GNAS-AS1: variants seen among roughly 807,000 people sequenced by gnomAD.
GNAS-AS1 encodes GNAS antisense RNA 1, also known as GNAS antisense RNA 1 (non-protein coding).
At chr20:58,820,862 T>C (rs1334239390) in intron 4 of GNAS-AS1, among the ~76,000 whole-genome samples, 2 of 152,080 alleles carry the variant, frequency 1.3e-5, no homozygotes, top group African/African-American at 4.8e-5. Flanking sequence ...CCCACCCAGT[T>C]CCTCCCATGA....
exon 3 of GNAS-AS1, chr20:58,842,464 G>C (rs1045571798): frequency 1.5e-5 from 6 of 398,514 alleles, no homozygotes; most frequent in Non-Finnish European, 2.7e-5. Context: ...GACCTATTCC[G>C]TAGGAAAGGC....
intron 3 of GNAS-AS1, chr20:58,842,377 G>A: frequency 2.5e-6 from 1 of 398,216 alleles, no homozygotes. Context: ...GGCTTGAGAT[G>A]AATGACGGTC....
At chr20:58,820,266 T>C (rs1017013799) in intron 4 of GNAS-AS1, among the ~76,000 whole-genome samples, 1 of 152,198 alleles carries the variant, frequency 6.6e-6, no homozygotes, top group Admixed American at 6.5e-5. Context: ...TCAAGAAATA[T>C]ACATGGGAAA....
At chr20:58,818,963 T>C (rs532151467) in exon 5 of GNAS-AS1, 1 of 398,380 alleles carries the variant, frequency 2.5e-6, no homozygotes, top group South Asian at 1.3e-4. Context: ...TATTCAACAC[T>C]AGATACGCCC....
At chr20:58,842,658 C>T (rs1287943522) in intron 2 of GNAS-AS1, 1 of 396,744 alleles carries the variant, frequency 2.5e-6, no homozygotes, top group African/African-American at 2.1e-5. Context: ...TTTTGGCTTG[C>T]CCCTAAGTCG....
At chr20:58,821,771 G>C (rs1323418820) in intron 4 of GNAS-AS1, among the ~76,000 whole-genome samples, 1 of 152,180 alleles carries the variant, frequency 6.6e-6, no homozygotes, top group Non-Finnish European at 1.5e-5. Context: ...ATTCTTCTCT[G>C]AGGCCTGGAT....
In GNAS-AS1 at chr20:58,841,258, G is replaced by C. The variant is rs1052035826; in HGVS notation, n.819+679C>G. On this transcript the variant is annotated intron_variant and non_coding_transcript_variant, in intron 4 of 4. Transcript: ENST00000424094. The surrounding 1 kb of genome is among the most constrained non-coding windows in gnomAD (Gnocchi z 5.0). ...GTTTTGCGCGCTTTTCTTCCTCCTAGAAAGACTAGTCTCAAATAAGTTGGC... is the reference window on the plus strand; with the variant it reads ...GTTTTGCGCGCTTTTCTTCCTCCTACAAAGACTAGTCTCAAATAAGTTGGC... 4.2e-5 allele frequency: 42 copies of C among 994,202 alleles called. No individual in the cohort carries two copies. Among genetic ancestry groups the C allele is most frequent in the African/African-American group, 6.8e-5 (4 of 58,766 alleles). The allele number at this position is 994,202 out of a possible 1,614,324, so 61.6% of individuals were successfully genotyped here. A position where few individuals can be genotyped will look rare whatever the true frequency, so the allele number is the denominator to read the frequency against.
At chr20:58,838,084 T>C (rs2085620622) in intron 4 of GNAS-AS1, among the ~76,000 whole-genome samples, 1 of 152,166 alleles carries the variant, frequency 6.6e-6, no homozygotes, top group African/African-American at 2.4e-5. Context: ...ACCCATGACA[T>C]GTGTCCTAAG....
At chr20:58,818,970 GC>G (rs1426448770) in exon 5 of GNAS-AS1, 3 of 398,158 alleles carry the variant, frequency 7.5e-6, no homozygotes, top group East Asian at 3.6e-5. Flanking sequence ...CACTAGATAC[GC>G]CCCATCTCCA....
intron 4 of GNAS-AS1, chr20:58,839,634 C>G (rs1262781283): frequency 4.7e-6 from 2 of 428,022 alleles, no homozygotes; most frequent in Admixed American, 7.7e-5. Context: ...GCCACAGGCT[C>G]GGCGCCACCA....
chr20:58,844,484 C>T (rs970346289), intron 2 of GNAS-AS1, among the ~76,000 whole-genome samples: 5 of 152,158 alleles, frequency 3.3e-5, no homozygotes, highest in South Asian at 4.1e-4. Flanking sequence ...GGATCTAAGA[C>T]GAAAGGCCCA....
exon 4 of GNAS-AS1, chr20:58,842,162 G>A (rs1257011192): frequency 2.5e-6 from 1 of 398,602 alleles, no homozygotes; most frequent in East Asian, 3.6e-5. Context: ...GCACAAAAAC[G>A]GCAGCAATCT....
At chr20:58,845,469 G>A (rs2085909470) in intron 2 of GNAS-AS1, among the ~76,000 whole-genome samples, 1 of 152,128 alleles carries the variant, frequency 6.6e-6, no homozygotes, top group Admixed American at 6.6e-5. Context: ...AGACTTGTTT[G>A]CGCACCGCAT....
intron 4 of GNAS-AS1, chr20:58,839,874 C>T: frequency 1.7e-6 from 1 of 597,696 alleles, no homozygotes; most frequent in Non-Finnish European, 3.0e-6. Flanking sequence ...TTTTTCCCAT[C>T]CCTTCTTCTT....
chr20:58,819,832 T>C (rs1280834268), intron 4 of GNAS-AS1, among the ~76,000 whole-genome samples: 1 of 152,130 alleles, frequency 6.6e-6, no homozygotes, highest in Admixed American at 6.5e-5. Flanking sequence ...TCCCAACCTT[T>C]GTCACGGACA....
intron 4 of GNAS-AS1, among the ~76,000 whole-genome samples, chr20:58,835,661 T>G (rs964367285): frequency 2.6e-5 from 4 of 152,214 alleles, no homozygotes; most frequent in Non-Finnish European, 5.9e-5. Flanking sequence ...TTTTAATATT[T>G]GGGGGCACTT....
At chr20:58,849,950 A>G (rs2086090930) in intron 1 of GNAS-AS1, among the ~76,000 whole-genome samples, 2 of 152,170 alleles carry the variant, frequency 1.3e-5, no homozygotes, top group African/African-American at 4.8e-5. Context: ...AATAGCCTCA[A>G]AAGTGCTTGC....
At chr20:58,848,244 G>A (rs577951298) in intron 2 of GNAS-AS1, among the ~76,000 whole-genome samples, 152 of 152,186 alleles carry the variant, frequency 1.0e-3, no homozygotes, top group Middle Eastern at 3.4e-3. Context: ...CCTGGGTTTC[G>A]ACAGCCAATC....
At chr20:58,822,351 AAGTGGTGGCAGG>A (rs1568897032) in intron 4 of GNAS-AS1, among the ~76,000 whole-genome samples, 2 of 152,214 alleles carry the variant, frequency 1.3e-5, no homozygotes, top group Non-Finnish European at 2.9e-5. Context: ...TGACAGGCAC[AAGTGGTGGCAGG>A]CACAGGGGTG....
Sources: allele counts gnomAD v4.1 joint callset (sites outside exome capture counted in the v4.1 genomes callset), GRCh38; gene constraint gnomAD v4.1.1; non-coding constraint Gnocchi (gnomAD v3.1); transcripts MANE v1.5; gene names NCBI Gene and HGNC (gene_info 2026-07-23, HGNC 2026-07-21).